RBFOX3: variants seen among roughly 807,000 people sequenced by gnomAD.
RBFOX3 encodes RNA binding protein fox-1 homolog 3.
In RBFOX3, 17 loss-of-function variants were observed where a neutral mutation model predicts 48.7. The observed-to-expected ratio is 0.35, with a 90% CI of 0.24 to 0.52. The LOEUF (loss-of-function observed/expected upper bound fraction) is 0.52. RBFOX3 is among the 20% of genes least tolerant of loss of function. The pLI, the probability that RBFOX3 is intolerant of heterozygous loss-of-function variation, is 0.94. For missense variants in RBFOX3, 382 were observed against 497.5 expected (o/e 0.77, Z 2.21); for synonymous variants, 212 against 209.5 (o/e 1.01, Z -0.10).
chr17:79,344,215 G>C lies in RBFOX3; in HGVS notation c.-174-36391C>G, dbSNP rs578112416. 5.9e-5 allele frequency among the ~76,000 whole-genome samples: 9 copies of C among 152,232 alleles called. No homozygotes were observed. In the South Asian group the frequency reaches 1.9e-3, roughly 32 times the overall value. On this transcript the variant is annotated intron_variant, in intron 2 of 14. Coordinates refer to ENST00000693108, the MANE Select transcript of RBFOX3 (RefSeq NM_001350451.2). ...AACATCTTTTCCTCCAGACTTTAAG[G>C]AGTCAAGACCTAAAGTAAAAAATGC...
At chr17:79,623,753 T>C in the RBFOX3 span, among the ~76,000 whole-genome samples, 2 of 146,984 alleles carry the variant, frequency 1.4e-5, no homozygotes, top group Admixed American at 1.4e-4. Context: ...ACCCAGGAGA[T>C]GGGGATTGCA....
chr17:79,541,143 G>A (rs1392619128), intron 1 of RBFOX3, among the ~76,000 whole-genome samples: 1 of 151,556 alleles, frequency 6.6e-6, no homozygotes, highest in Non-Finnish European at 1.5e-5. Context: ...AATAAAAAGA[G>A]CCCAAGCCAC....
Position 79,090,847 on chromosome 17 carries a change from G to C in RBFOX3, c.*36C>G. On this transcript the variant is annotated 3_prime_UTR_variant, in exon 15 of 15. Coordinates refer to ENST00000693108, the MANE Select transcript of RBFOX3 (RefSeq NM_001350451.2). Reference sequence around the variant, plus strand: ...TGATTTTTTTTGTTTTTTTGTTTTTGCCCTTCATGGTCCGAGAAGGAAACG... The same window carrying C: ...TGATTTTTTTTGTTTTTTTGTTTTTCCCCTTCATGGTCCGAGAAGGAAACG... 6.8e-7 allele frequency: 1 copy of C among 1,462,752 alleles called. No homozygotes were observed. Among genetic ancestry groups the C allele is most frequent in the Non-Finnish European group, 9.0e-7 (1 of 1,105,792 alleles). 90.6% of individuals were successfully genotyped at this position (1,462,752 alleles called of 1,614,324 possible).
upstream of RBFOX3, among the ~76,000 whole-genome samples, chr17:79,615,156 TA>T (rs1467302574): frequency 6.6e-6 from 1 of 152,132 alleles, no homozygotes; most frequent in Non-Finnish European, 1.5e-5. Flanking sequence ...AGAGGGCAGC[TA>T]ACCAATCACA....
intron 2 of RBFOX3, among the ~76,000 whole-genome samples, chr17:79,383,536 G>A (rs1026028592): frequency 6.6e-6 from 1 of 152,252 alleles, no homozygotes; most frequent in African/African-American, 2.4e-5. Context: ...ATTGCTGAAG[G>A]AACACGCATC....
chr17:79,205,900 T>C lies in RBFOX3; in HGVS notation c.-34+29866A>G, dbSNP rs995628426. On this transcript the variant is annotated intron_variant, in intron 4 of 14. Coordinates refer to ENST00000693108, the MANE Select transcript of RBFOX3 (RefSeq NM_001350451.2). This position sits in a 1 kb window ranked among gnomAD's most constrained non-coding sequence, Gnocchi z 4.5. The stretch of plus-strand genomic sequence containing the variant: ...CATAGGAAGGACAGCAATACACATT[T>C]CCTATCTTGCTGCAAGGCTGCAATC... Among the ~76,000 whole-genome samples the C allele has an allele frequency of 6.6e-6, 1 of 151,922 alleles. No homozygotes were observed. Among genetic ancestry groups the C allele is most frequent in the Non-Finnish European group, 1.5e-5 (1 of 68,006 alleles).
intron 4 of RBFOX3, among the ~76,000 whole-genome samples, chr17:79,159,920 G>A (rs922154817): frequency 3.3e-5 from 5 of 151,976 alleles, no homozygotes; most frequent in Admixed American, 6.6e-5. Flanking sequence ...CGTGTCCGCC[G>A]AGTGTTCCAG....
At chr17:79,475,045 T>C (rs1274698439) in intron 2 of RBFOX3, among the ~76,000 whole-genome samples, 4 of 152,174 alleles carry the variant, frequency 2.6e-5, no homozygotes, top group Non-Finnish European at 4.4e-5. Flanking sequence ...GACAAAAGTG[T>C]GCGCCCAAAA....
At chr17:79,442,773 G>A (rs1387612706) in intron 2 of RBFOX3, among the ~76,000 whole-genome samples, 1 of 152,022 alleles carries the variant, frequency 6.6e-6, no homozygotes, top group Non-Finnish European at 1.5e-5. Context: ...GGGTGGGGGT[G>A]AGGAGGGGAG....
intron 4 of RBFOX3, among the ~76,000 whole-genome samples, chr17:79,175,569 G>T (rs572548354): frequency 6.6e-6 from 1 of 152,218 alleles, no homozygotes; most frequent in East Asian, 1.9e-4. Context: ...GTCTCCAGGC[G>T]GTCCAGGGCC....
chr17:79,116,253 C>T (rs907338608), intron 4 of RBFOX3, among the ~76,000 whole-genome samples: 3 of 152,202 alleles, frequency 2.0e-5, no homozygotes, highest in Admixed American at 2.0e-4. Flanking sequence ...GCCAACCCAT[C>T]TCCTTCCCAC....
rs541187400 is a variant in RBFOX3 at position 79,093,770 on chromosome 17, G to A, written c.1077+681C>T. 1.3e-3 allele frequency among the ~76,000 whole-genome samples: 195 copies of A among 150,156 alleles called. 2 individuals carry two copies. The highest frequency in any genetic ancestry group is 2.5e-3 in the Non-Finnish European group (166 of 67,616). ...CAGCTCTGGGTGCAGAGTGAGCTGGGCTGCACGTGTCAACAGCTGGCCACA... is the reference window on the plus strand; with the variant it reads ...CAGCTCTGGGTGCAGAGTGAGCTGGACTGCACGTGTCAACAGCTGGCCACA... On this transcript the variant is annotated intron_variant, in intron 14 of 14. Transcript: ENST00000693108.
chr17:79,309,121 C>T (rs79211555), intron 2 of RBFOX3, among the ~76,000 whole-genome samples: 2,838 of 119,896 alleles, frequency 0.024, 102 homozygotes, highest in South Asian at 0.19. Context: ...AAAAAAAAAA[C>T]TAAATGTTTG....
chr17:79,580,693 A>T (rs2093030610), intron 1 of RBFOX3, among the ~76,000 whole-genome samples: 1 of 152,116 alleles, frequency 6.6e-6, no homozygotes, highest in African/African-American at 2.4e-5. Context: ...TGCTCCTCAT[A>T]CAAGGGGCCA....
chr17:79,512,893 TA>T (rs2084630795), intron 1 of RBFOX3, among the ~76,000 whole-genome samples: 1 of 145,702 alleles, frequency 6.9e-6, no homozygotes, highest in Non-Finnish European at 1.5e-5. Context: ...TACCATCGGC[TA>T]CGGCCCCATG....
At chr17:79,301,094 C>T (rs539793456) in intron 3 of RBFOX3, among the ~76,000 whole-genome samples, 17 of 152,330 alleles carry the variant, frequency 1.1e-4, no homozygotes, top group South Asian at 1.0e-3. Context: ...TTTTAACATA[C>T]GTAGGCCCCA....
At chr17:79,287,680 C>T (rs1009833612) in intron 3 of RBFOX3, among the ~76,000 whole-genome samples, 105 of 152,248 alleles carry the variant, frequency 6.9e-4, no homozygotes, top group Admixed American at 3.1e-3. Flanking sequence ...TGCCCTGTGC[C>T]GGCACTGATG....
At chr17:79,438,192 G>C (rs558018615) in intron 2 of RBFOX3, among the ~76,000 whole-genome samples, 106 of 152,294 alleles carry the variant, frequency 7.0e-4, no homozygotes, top group African/African-American at 2.4e-3. Context: ...CTCCTTCTGT[G>C]CTGCTGGCCA....
At chr17:79,532,201 G>A (rs908366002) in intron 1 of RBFOX3, among the ~76,000 whole-genome samples, 39 of 152,268 alleles carry the variant, frequency 2.6e-4, no homozygotes, top group African/African-American at 7.9e-4. Context: ...TGCACTGGAG[G>A]GGGGAGGGGA....
Sources: allele counts gnomAD v4.1 joint callset (sites outside exome capture counted in the v4.1 genomes callset), GRCh38; gene constraint gnomAD v4.1.1; non-coding constraint Gnocchi (gnomAD v3.1); transcripts MANE v1.5; gene names NCBI Gene and HGNC (gene_info 2026-07-23, HGNC 2026-07-21).